RIC8B: variants seen among roughly 807,000 people sequenced by gnomAD.
The protein encoded by RIC8B is chaperone Ric-8B.
RIC8B carries 16 observed loss-of-function variants against 57.5 expected under a neutral mutation model. The ratio of observed to expected loss-of-function variants is 0.28; its 90% CI spans 0.19 to 0.42. The LOEUF is 0.42. RIC8B is among the 10% of genes least tolerant of loss of function. The probability of loss-of-function intolerance (pLI) is 1.00; values close to 1 mark genes in which losing one functional copy is unlikely to be tolerated. For missense variants in RIC8B, 481 were observed against 677.0 expected, an observed-to-expected ratio of 0.71 and a Z score of 3.21; for synonymous variants, 216 against 250.8, an observed-to-expected ratio of 0.86 and a Z score of 1.31.
At chr12:106,878,831 C>CG (rs1223664012) in intron 9 of RIC8B, among the ~76,000 whole-genome samples, 1 of 151,904 alleles carries the variant, frequency 6.6e-6, no homozygotes, top group Non-Finnish European at 1.5e-5. Context: ...TGTTCCCCCC[C>CG]CCTTTTCTTC....
intron 1 of RIC8B, among the ~76,000 whole-genome samples, chr12:106,778,811 C>G (rs1593056507): frequency 6.6e-6 from 1 of 152,168 alleles, no homozygotes; most frequent in Non-Finnish European, 1.5e-5. Context: ...AAGGGGATTG[C>G]TTCCAGGATC....
At chr12:106,818,999 C>T (rs910265107) in intron 3 of RIC8B, among the ~76,000 whole-genome samples, 33 of 152,156 alleles carry the variant, frequency 2.2e-4, no homozygotes, top group African/African-American at 8.0e-4. Context: ...CTCCCGACCT[C>T]AGTGATCCGC....
intron 2 of RIC8B, among the ~76,000 whole-genome samples, chr12:106,808,830 A>G (rs568070348): frequency 5.9e-5 from 9 of 152,350 alleles, no homozygotes; most frequent in African/African-American, 2.2e-4. Context: ...TGTATAAAAT[A>G]TAAAACTTTT....
chr12:106,829,441 T>C (rs188282245), intron 4 of RIC8B, among the ~76,000 whole-genome samples: 57 of 152,354 alleles, frequency 3.7e-4, no homozygotes, highest in Non-Finnish European at 7.5e-4. Context: ...AATCTCGTTT[T>C]CTTTTACTCA....
intron 9 of RIC8B, among the ~76,000 whole-genome samples, chr12:106,880,166 C>T (rs1334059677): frequency 6.6e-6 from 1 of 152,008 alleles, no homozygotes; most frequent in Non-Finnish European, 1.5e-5. Flanking sequence ...CTTGCCATTG[C>T]TTTGGTTTTC....
intron 4 of RIC8B, among the ~76,000 whole-genome samples, chr12:106,839,945 G>C (rs982775113): frequency 3.9e-5 from 6 of 152,244 alleles, no homozygotes; most frequent in Non-Finnish European, 7.4e-5. Context: ...TTGAGCCCGG[G>C]AAGTCAAGGC....
At chr12:106,882,745 C>CT (rs1473698756) in intron 9 of RIC8B, among the ~76,000 whole-genome samples, 10 of 152,060 alleles carry the variant, frequency 6.6e-5, no homozygotes. Context: ...GACACCTTTC[C>CT]TACAGAAGTA....
chr12:106,834,785 C>T (rs1018971127), intron 4 of RIC8B, among the ~76,000 whole-genome samples: 4 of 151,856 alleles, frequency 2.6e-5, no homozygotes. Flanking sequence ...AGATCGAGAC[C>T]ATCCTGGCTA....
intron 1 of RIC8B, among the ~76,000 whole-genome samples, chr12:106,778,828 G>A (rs567766159): frequency 1.3e-5 from 2 of 152,232 alleles, no homozygotes; most frequent in South Asian, 4.1e-4. Context: ...GATCTCCTGT[G>A]GATACCAGAA....
In RIC8B at chr12:106,825,657, G is replaced by A. The variant is rs2046062515; in HGVS notation, c.742-69G>A. ...TTGTTTGGGGTGGGCAAGAGATGTA[G>A]TAAAGTAGCAGACCCCACTGTTCAG... On this transcript the variant is annotated intron_variant, in intron 3 of 9. Transcript: ENST00000392837. The A allele has an allele frequency of 2.8e-5, 31 of 1,117,606 alleles. 1 individual carries two copies. The South Asian group carries it at 3.7e-4, about 13-fold the overall frequency. The allele number at this position is 1,117,606 out of a possible 1,614,324, so 69.2% of individuals were successfully genotyped here. A position where few individuals can be genotyped will look rare whatever the true frequency, so the allele number is the denominator to read the frequency against.
Position 106,879,975 on chromosome 12 carries a change from G to A in RIC8B, c.1572-5929G>A, listed in dbSNP as rs1000402599. On this transcript the variant is annotated intron_variant, in intron 9 of 9. Coordinates refer to ENST00000392837, the MANE Select transcript of RIC8B (RefSeq NM_001330145.2). This position sits in a 1 kb window ranked among gnomAD's most constrained non-coding sequence, Gnocchi z 4.9. ...AAGTATGAAGGAGTTGTTGCTATGT[G>A]AATATCTTAATCCTGATACACATTT... 5.1e-6 allele frequency: 5 copies of A among 984,052 alleles called. No individual in the cohort carries two copies. The African/African-American group carries it at 7.0e-5, about 14-fold the overall frequency. The allele number at this position is 984,052 out of a possible 1,614,324, so 61.0% of individuals were successfully genotyped here.
chr12:106,776,960 T>G (rs2043523651), intron 1 of RIC8B, among the ~76,000 whole-genome samples: 1 of 151,960 alleles, frequency 6.6e-6, no homozygotes, highest in African/African-American at 2.4e-5. Context: ...AGCCTCCATC[T>G]CCTCCCCCCC....
At chr12:106,841,103 G>A (rs1196032020) in intron 4 of RIC8B, among the ~76,000 whole-genome samples, 1 of 152,124 alleles carries the variant, frequency 6.6e-6, no homozygotes, top group Non-Finnish European at 1.5e-5. Context: ...GAAAGTTTTG[G>A]GGAAAGCTTA....
chr12:106,839,868 T>C (rs1320350361), intron 4 of RIC8B, among the ~76,000 whole-genome samples: 1 of 151,910 alleles, frequency 6.6e-6, no homozygotes, highest in Non-Finnish European at 1.5e-5. Flanking sequence ...ATTAAAAAAT[T>C]AGCAAGGGGC....
At chr12:106,817,547 T>C (rs11113122) in intron 3 of RIC8B, among the ~76,000 whole-genome samples, 64,793 of 151,744 alleles carry the variant, frequency 0.43, 14,049 homozygotes, top group South Asian at 0.48. Context: ...CGGCCAGGCG[T>C]GGTGGCTCAC....
Position 106,879,388 on chromosome 12 carries a change from T to C in RIC8B, c.1572-6516T>C. ...GAACCCCAATTTTGCACTGTCATTT[T>C]TGGGGGAAAGAGTCATATAGGAACC... is the stretch of plus-strand genomic sequence containing the variant. On this transcript the variant is annotated intron_variant, in intron 9 of 9. Coordinates refer to ENST00000392837, the MANE Select transcript of RIC8B (RefSeq NM_001330145.2). The surrounding 1 kb of genome is among the most constrained non-coding windows in gnomAD (Gnocchi z 4.9). 1 of 985,356 alleles carries C rather than the reference T, an allele frequency of 1.0e-6. No homozygotes were observed. The highest frequency in any genetic ancestry group is 4.7e-5 in the South Asian group (1 of 21,282). 61.0% of individuals were successfully genotyped at this position (985,356 alleles called of 1,614,324 possible).
intron 9 of RIC8B, among the ~76,000 whole-genome samples, chr12:106,885,576 CA>C (rs35328877): frequency 0.38 from 51,916 of 138,298 alleles, 9,527 homozygotes; most frequent in African/African-American, 0.51. Flanking sequence ...ACCAATCCAC[CA>C]AAAAAAAAAA....
At chr12:106,865,264 CTTA>C (rs1040441151) in intron 8 of RIC8B, among the ~76,000 whole-genome samples, 30 of 152,258 alleles carry the variant, frequency 2.0e-4, no homozygotes, top group Admixed American at 7.9e-4. Flanking sequence ...CCTCACAACA[CTTA>C]TTATTTTCTG....
chr12:106,821,995 G>A (rs866760231), intron 3 of RIC8B, among the ~76,000 whole-genome samples: 4 of 147,652 alleles, frequency 2.7e-5, no homozygotes, highest in South Asian at 2.2e-4. Flanking sequence ...GGACAATGGC[G>A]TGAATCCGGG....
Sources: allele counts gnomAD v4.1 joint callset (sites outside exome capture counted in the v4.1 genomes callset), GRCh38; gene constraint gnomAD v4.1.1; non-coding constraint Gnocchi (gnomAD v3.1); transcripts MANE v1.5; gene names NCBI Gene and HGNC (gene_info 2026-07-23, HGNC 2026-07-21).